Variants in RAPGEF6 observed in about 807,000 individuals in gnomAD.
RAPGEF6 encodes Rap guanine nucleotide exchange factor 6.
A neutral mutation model predicts 171.4 loss-of-function variants in RAPGEF6; 56 were observed. That is an observed-to-expected ratio of 0.33 (90% CI 0.26 to 0.41). RAPGEF6 has a LOEUF of 0.41. RAPGEF6 is among the 10% of genes least tolerant of loss of function. The pLI, the probability that RAPGEF6 is intolerant of heterozygous loss-of-function variation, is 1.00. For synonymous variants in RAPGEF6, 692 were observed against 650.1 expected (o/e 1.06, Z -0.98); for missense variants, 1,674 against 1,921.4 (o/e 0.87, Z 2.41).
intron 4 of RAPGEF6, among the ~76,000 whole-genome samples, chr5:131,587,695 G>GC (rs1763335347): frequency 6.6e-6 from 1 of 152,088 alleles, no homozygotes; most frequent in Non-Finnish European, 1.5e-5. Flanking sequence ...ACCTTCTCTT[G>GC]CCCCTCTTTC....
intron 6 of RAPGEF6, among the ~76,000 whole-genome samples, chr5:131,540,175 T>C (rs1437270715): frequency 1.3e-5 from 2 of 151,808 alleles, no homozygotes; most frequent in Non-Finnish European, 2.9e-5. Flanking sequence ...GAACAAGAAA[T>C]AAAAAAAATT....
chr5:131,546,783 A>T (rs567970802), intron 6 of RAPGEF6, among the ~76,000 whole-genome samples: 7 of 152,334 alleles, frequency 4.6e-5, no homozygotes, highest in Admixed American at 4.6e-4. Context: ...TTTAAAAGTT[A>T]ACAAAAATTT....
intron 3 of RAPGEF6, among the ~76,000 whole-genome samples, chr5:131,601,408 AAGTGGCAC>A (rs1253885186): frequency 1.3e-5 from 2 of 151,842 alleles, no homozygotes; most frequent in African/African-American, 4.8e-5. Context: ...AAAAAAGGAA[AAGTGGCAC>A]AGTGGAAATA....
chr5:131,575,119 A>C (rs559767733), intron 4 of RAPGEF6, among the ~76,000 whole-genome samples: 6 of 152,166 alleles, frequency 3.9e-5, no homozygotes, highest in African/African-American at 1.4e-4. Flanking sequence ...CTCGACCTCA[A>C]AGATGCTTTC....
intron 7 of RAPGEF6, among the ~76,000 whole-genome samples, chr5:131,512,899 C>T (rs138377686): frequency 2.0e-4 from 31 of 152,284 alleles, no homozygotes; most frequent in African/African-American, 7.5e-4. Context: ...ACCAAATCTG[C>T]TTGCTGGTGC....
Position 131,498,716 on chromosome 5 carries a change from A to C in RAPGEF6, c.1255-109T>G, listed in dbSNP as rs1756808695. 2.9e-6 allele frequency: 3 copies of C among 1,046,748 alleles called. No homozygotes were observed. In the African/African-American group the frequency reaches 4.9e-5, roughly 17 times the overall value. The allele number at this position is 1,046,748 out of a possible 1,614,324, so 64.8% of individuals were successfully genotyped here. ...AGCTACTCCATTAGACAAATCGTCA[A>C]AGTACAGTTTCGCCTTTAAATCCTT... is the stretch of plus-strand genomic sequence containing the variant. On this transcript the variant is annotated intron_variant, in intron 11 of 27. Transcript: ENST00000509018.
intron 6 of RAPGEF6, among the ~76,000 whole-genome samples, chr5:131,542,639 G>A (rs1391788460): frequency 6.6e-6 from 1 of 152,098 alleles, no homozygotes; most frequent in Non-Finnish European, 1.5e-5. Flanking sequence ...AGTGCTTACA[G>A]GCACATAAAC....
chr5:131,507,552 C>CA (rs1163492034), intron 9 of RAPGEF6, among the ~76,000 whole-genome samples: 6 of 152,126 alleles, frequency 3.9e-5, no homozygotes, highest in African/African-American at 1.4e-4. Flanking sequence ...TCCACCCATC[C>CA]ACAAGCTGTC....
intron 15 of RAPGEF6, among the ~76,000 whole-genome samples, chr5:131,483,994 G>C (rs1755686949): frequency 6.6e-6 from 1 of 150,520 alleles, no homozygotes; most frequent in Admixed American, 6.6e-5. Context: ...TACTCGGGAA[G>C]CTGAGGCAGG....
At chr5:131,439,222 A>T (rs1035838441) in intron 24 of RAPGEF6, among the ~76,000 whole-genome samples, 2 of 152,202 alleles carry the variant, frequency 1.3e-5, no homozygotes, top group African/African-American at 4.8e-5. Flanking sequence ...TGGCCTAAAA[A>T]GAATCTCTTA....
At position 131,568,939 on chromosome 5, in the gene RAPGEF6, G is replaced by C. The variant is rs1762113271; in HGVS notation, c.282-6892C>G. ...AAACCAACTGTATTTCTATATACTA[G>C]CAATGAATAATATGAAAATGAAATT... On this transcript the variant is annotated intron_variant, in intron 4 of 27. Transcript: ENST00000509018. 2.0e-5 allele frequency among the ~76,000 whole-genome samples: 3 copies of C among 152,010 alleles called. 1 individual carries two copies. Among genetic ancestry groups the C allele is most frequent in the Non-Finnish European group, 4.4e-5 (3 of 67,958 alleles).
At chr5:131,476,614 C>T (rs1473815961) in intron 16 of RAPGEF6, among the ~76,000 whole-genome samples, 1 of 152,144 alleles carries the variant, frequency 6.6e-6, no homozygotes, top group Non-Finnish European at 1.5e-5. Context: ...GCATGTGCCA[C>T]CATGCCCAGC....
Position 131,455,927 on chromosome 5 carries a change from G to A in RAPGEF6, c.2950C>T (p.Gln984Ter). 6.2e-7 allele frequency: 1 copy of A among 1,613,986 alleles called. No individual in the cohort carries two copies. Among genetic ancestry groups the A allele is most frequent in the Non-Finnish European group, 8.5e-7 (1 of 1,179,926 alleles). ...SKYEKHLQDL[Q>*]DIFDPSRNMA... ...TTTCTAGATGGATCAAAAATGTCTT[G>A]TAGATCTTGAAGATGTTTCTCGTAT... The change falls in exon 20 of 28, where the codon CAA becomes TAA. Residue 984 changes from glutamine to a stop codon, truncating the protein, a stop_gained. Coordinates refer to ENST00000509018, the MANE Select transcript of RAPGEF6 (RefSeq NM_016340.6). LOFTEE classifies it high-confidence loss of function.
At chr5:131,445,164 C>T (rs1049810782) in intron 22 of RAPGEF6, among the ~76,000 whole-genome samples, 81 of 152,310 alleles carry the variant, frequency 5.3e-4, no homozygotes, top group African/African-American at 1.9e-3. Context: ...CTGCCTCTAT[C>T]CTTTCGTAGG....
chr5:131,528,159 AT>A (rs1282993426), intron 6 of RAPGEF6, among the ~76,000 whole-genome samples: 11 of 98,204 alleles, frequency 1.1e-4, no homozygotes, highest in African/African-American at 1.5e-4. Context: ...ATAATATAAA[AT>A]ATATATTACA....
At chr5:131,493,537 G>A (rs905200122) in intron 13 of RAPGEF6, among the ~76,000 whole-genome samples, 3 of 151,938 alleles carry the variant, frequency 2.0e-5, no homozygotes, top group African/African-American at 4.8e-5. Flanking sequence ...TTTTCATCTC[G>A]TCCAGAAAAG....
chr5:131,428,483 A>C (rs892433014), intron 27 of RAPGEF6, among the ~76,000 whole-genome samples: 1 of 150,158 alleles, frequency 6.7e-6, no homozygotes, highest in Non-Finnish European at 1.5e-5. Context: ...TTTTGGAGAC[A>C]GAGTTTTGTT....
At chr5:131,528,222 A>T (rs1444003396) in intron 6 of RAPGEF6, among the ~76,000 whole-genome samples, 2 of 114,758 alleles carry the variant, frequency 1.7e-5, no homozygotes, top group African/African-American at 8.8e-5. Flanking sequence ...AATAAAATAA[A>T]ATAATATATT....
intron 1 of RAPGEF6, among the ~76,000 whole-genome samples, chr5:131,621,983 C>T (rs1231799317): frequency 1.3e-5 from 2 of 152,152 alleles, no homozygotes; most frequent in East Asian, 3.8e-4. Context: ...TTGCTATCTC[C>T]TCCCCAGATG....
Sources: allele counts gnomAD v4.1 joint callset (sites outside exome capture counted in the v4.1 genomes callset), GRCh38; gene constraint gnomAD v4.1.1; transcripts MANE v1.5; gene names NCBI Gene and HGNC (gene_info 2026-07-23, HGNC 2026-07-21).